Variants in MTSS2 observed in about 807,000 individuals in gnomAD.
The protein encoded by MTSS2 is protein MTSS 2.
In MTSS2, 27 loss-of-function variants were observed where a neutral mutation model predicts 67.1. The ratio of observed to expected loss-of-function variants is 0.40; its 90% CI spans 0.30 to 0.55. MTSS2 has a LOEUF of 0.55. MTSS2 is among the 20% of genes least tolerant of loss of function. MTSS2 has a pLI of 0.43. For synonymous variants in MTSS2, 624 were observed against 468.6 expected (o/e 1.33, Z -4.28); for missense variants, 1,171 against 1,067.8 (o/e 1.10, Z -1.35).
At chr16:70,679,578 G>A in intron 6 of MTSS2, 52 bp downstream of exon 6, 3 of 1,531,242 alleles carry the variant, frequency 2.0e-6, no homozygotes, top group African/African-American at 2.7e-5. Flanking sequence ...GGGCGGTGGG[G>A]CTGTGGAGCG....
chr16:70,685,702 GC>G lies in MTSS2; in HGVS notation c.69+20del. 3 of 1,295,162 alleles carry G rather than the reference GC, an allele frequency of 2.3e-6. No individual in the cohort carries two copies. Among genetic ancestry groups the G allele is most frequent in the South Asian group, 1.7e-5 (1 of 57,644 alleles). 80.2% of individuals were successfully genotyped at this position (1,295,162 alleles called of 1,614,324 possible). A position where few individuals can be genotyped will look rare whatever the true frequency, so the allele number is the denominator to read the frequency against. On this transcript the variant is annotated intron_variant, in intron 1 of 14. Transcript: ENST00000338779. ...TCCCGCACCCGTCGCCGCGCGCCCG[GC>G]CCCGCCGCGCCCCGGTTACCTTCAT...
intron 1 of MTSS2, among the ~76,000 whole-genome samples, chr16:70,681,235 G>T (rs1489017961): frequency 6.6e-6 from 1 of 152,216 alleles, no homozygotes; most frequent in Non-Finnish European, 1.5e-5. Context: ...CCTGGGAACG[G>T]GCGCCTTTGC....
chr16:70,669,793 G>T (rs985490860), intron 11 of MTSS2, among the ~76,000 whole-genome samples: 5 of 146,598 alleles, frequency 3.4e-5, no homozygotes, highest in African/African-American at 1.0e-4. Context: ...CTCCAGCCTG[G>T]GCAACAGAGT....
chr16:70,669,818 T>TTAAAA (rs2052861740), intron 11 of MTSS2, among the ~76,000 whole-genome samples: 1 of 145,816 alleles, frequency 6.9e-6, no homozygotes, highest in Non-Finnish European at 1.5e-5. Context: ...CTCTGTCTCA[T>TTAAAA]AAAAAAAAAA....
chr16:70,664,473 G>T, intron 14 of MTSS2, 24 bp from the exon 15 acceptor site: 3 of 1,539,274 alleles, frequency 1.9e-6, no homozygotes, highest in Non-Finnish European at 2.6e-6. Context: ...ACACAGTGAG[G>T]CCCAGGGCCC....
chr16:70,684,882 G>T (rs1215749504), intron 1 of MTSS2, among the ~76,000 whole-genome samples: 1 of 152,176 alleles, frequency 6.6e-6, no homozygotes, highest in Non-Finnish European at 1.5e-5. Context: ...AGGAAAAATG[G>T]GGGCTGAGGT....
rs997949802 is a variant in MTSS2 at position 70,665,634 on chromosome 16, T to G, written c.1054-94A>C. ...AACAGTTTTGGTCACAGAGCTGGCA[T>G]GCAGGGGGGCGGTTCAATTCAGCGC... is the stretch of plus-strand genomic sequence containing the variant. On this transcript the variant is annotated intron_variant, in intron 11 of 14. Transcript: ENST00000338779. 5.4e-6 allele frequency: 6 copies of G among 1,102,644 alleles called. No individual in the cohort carries two copies. The African/African-American group carries it at 7.8e-5, about 14-fold the overall frequency. 68.3% of individuals were successfully genotyped at this position (1,102,644 alleles called of 1,614,324 possible). A position where few individuals can be genotyped will look rare whatever the true frequency, so the allele number is the denominator to read the frequency against.
chr16:70,681,092 G>T, intron 1 of MTSS2, 67 bp from the exon 2 acceptor site: 1 of 1,451,754 alleles, frequency 6.9e-7, no homozygotes. Context: ...CCTGGGCCGG[G>T]CTCCCTGCAT....
At chr16:70,680,125 G>C (rs937637097) in intron 3 of MTSS2, 70 bp from the exon 4 acceptor site, 4 of 1,122,058 alleles carry the variant, frequency 3.6e-6, no homozygotes, top group Admixed American at 4.6e-5. Flanking sequence ...GGGCCAGGAG[G>C]GGGCGCCCCG....
chr16:70,670,766 C>T (rs1311415752), intron 11 of MTSS2, among the ~76,000 whole-genome samples: 3 of 151,802 alleles, frequency 2.0e-5, no homozygotes, highest in Non-Finnish European at 4.4e-5. Flanking sequence ...GAGTTCGAGA[C>T]CAGCCTAGGA....
chr16:70,679,292 G>T, intron 7 of MTSS2, 23 bp downstream of exon 7: 2 of 1,613,764 alleles, frequency 1.2e-6, no homozygotes, highest in Middle Eastern at 1.7e-4. Flanking sequence ...AGGAGCAGCT[G>T]GAGGGACCGA....
intron 11 of MTSS2, among the ~76,000 whole-genome samples, chr16:70,669,059 G>A (rs1031276117): frequency 2.6e-5 from 4 of 151,978 alleles, no homozygotes; most frequent in Admixed American, 1.3e-4. Context: ...AAAACAAAAG[G>A]GCAAAACCAA....
intron 11 of MTSS2, among the ~76,000 whole-genome samples, chr16:70,666,508 C>G (rs528311505): frequency 6.6e-6 from 1 of 152,194 alleles, no homozygotes; most frequent in African/African-American, 2.4e-5. Flanking sequence ...GCAGTGGGGA[C>G]GTGGATCACG....
chr16:70,663,815 G>T lies in MTSS2; in HGVS notation c.2106C>A (p.Thr702=). ...QFPFPTALSA[T]PTEETPTPPP... is the part of the protein sequence containing the mutation. Reference sequence around the variant, plus strand: ...GTGGGGTGGGCGTCTCCTCCGTGGGGGTGGCCGACAGAGCAGTGGGGAAGG... The same window carrying T: ...GTGGGGTGGGCGTCTCCTCCGTGGGTGTGGCCGACAGAGCAGTGGGGAAGG... Residue 702 remains threonine, a synonymous_variant, in exon 15 of 15, where the codon ACC becomes ACA. Coordinates refer to ENST00000338779, the MANE Select transcript of MTSS2 (RefSeq NM_138383.3). 6.5e-7 allele frequency: 1 copy of T among 1,532,642 alleles called. No individual in the cohort carries two copies. The highest frequency in any genetic ancestry group is 1.4e-5 in the African/African-American group (1 of 72,954). The allele number at this position is 1,532,642 out of a possible 1,614,324, so 94.9% of individuals were successfully genotyped here. A position where few individuals can be genotyped will look rare whatever the true frequency, so the allele number is the denominator to read the frequency against.
At chr16:70,678,009 C>T (rs1431679585) in intron 8 of MTSS2, 110 bp from the exon 9 acceptor site, 2 of 1,035,520 alleles carry the variant, frequency 1.9e-6, no homozygotes, top group East Asian at 2.6e-5. Flanking sequence ...CTCACCCCTC[C>T]TCGCTAACCA....
At chr16:70,681,139 G>T in intron 1 of MTSS2, 114 bp from the exon 2 acceptor site, 1 of 968,942 alleles carries the variant, frequency 1.0e-6, no homozygotes, top group Non-Finnish European at 1.5e-6. Flanking sequence ...TAAGACAGCA[G>T]CCCTGCCCCA....
rs2151905896 is a variant in MTSS2 at position 70,664,274 on chromosome 16, C to CAGCCCCGCG, written c.1646_1647insCGCGGGGCT (p.Ala550_Thr551insGlyLeuAla). On this transcript the variant is annotated inframe_insertion, in exon 15 of 15. Coordinates refer to ENST00000338779, the MANE Select transcript of MTSS2 (RefSeq NM_138383.3). Reference sequence around the variant, plus strand: ...GTGCGCCCGAGGGCAGGCCAGTGGCCGTGGGCAGCCCCGCGGTGGGCAGCC... The same window carrying CAGCCCCGCG: ...GTGCGCCCGAGGGCAGGCCAGTGGCCAGCCCCGCGGTGGGCAGCCCCGCGGTGGGCAGCC... 1 of 1,557,396 alleles carries CAGCCCCGCG rather than the reference C, an allele frequency of 6.4e-7. No homozygotes were observed. The highest frequency in any genetic ancestry group is 8.6e-7 in the Non-Finnish European group (1 of 1,159,146).
At position 70,664,411 on chromosome 16, in the gene MTSS2, C is replaced by T. The variant is rs764968631; in HGVS notation, c.1510G>A (p.Asp504Asn). The change falls in exon 15 of 15, where the codon GAC (aspartate) becomes AAC (asparagine). Residue 504 changes from aspartate (D) to asparagine (N), a missense_variant. By Grantham distance (23) the Asp-to-Asn change is conservative. This residue lies in a region of MTSS2 where 924 missense variants were observed against 756.0 expected (regional missense o/e 1.22). Coordinates refer to ENST00000338779, the MANE Select transcript of MTSS2 (RefSeq NM_138383.3). ...TCAAACTCGGGCGGGCCCTCGCTGT[C>T]CGCATCCCCATTCACGGAGTAGCAG... Reference protein sequence around the residue: ...YDCYSVNGDADSEGPPEFDKS... With the variant: ...YDCYSVNGDANSEGPPEFDKS... 1.3e-6 allele frequency: 2 copies of T among 1,551,880 alleles called. No individual in the cohort carries two copies. The highest frequency in any genetic ancestry group is 1.7e-6 in the Non-Finnish European group (2 of 1,153,648).
chr16:70,663,617 G>A lies in MTSS2; in HGVS notation c.*60C>T, dbSNP rs1056335454. 50 of 1,481,918 alleles carry A rather than the reference G, an allele frequency of 3.4e-5. No individual in the cohort carries two copies. Among genetic ancestry groups the A allele is most frequent in the Non-Finnish European group, 4.2e-5 (47 of 1,115,106 alleles). 91.8% of individuals were successfully genotyped at this position (1,481,918 alleles called of 1,614,324 possible). A position where few individuals can be genotyped will look rare whatever the true frequency, so the allele number is the denominator to read the frequency against. The stretch of plus-strand genomic sequence containing the variant: ...TGGGCCTTTGCTCTGAGTGCCTGCG[G>A]CTCACAGACCAGGCCACCTGCTCGC... On this transcript the variant is annotated 3_prime_UTR_variant, in exon 15 of 15. Transcript: ENST00000338779.
Sources: gnomAD v4.1 joint callset for allele counts (sites outside exome capture counted in the v4.1 genomes callset) on GRCh38, gnomAD v4.1.1 for gene constraint, gnomAD v4.1.1 regional missense constraint, MANE v1.5 for transcripts, NCBI Gene and HGNC (gene_info 2026-07-23, HGNC 2026-07-21) for gene names.